RUVBL1: variants seen among roughly 807,000 people sequenced by gnomAD.
RUVBL1 encodes the protein ruvB-like 1.
In RUVBL1, 4 loss-of-function variants were observed where a neutral mutation model predicts 52.4. The observed-to-expected ratio is 0.08, with a 90% confidence interval of 0.04 to 0.17. RUVBL1 has a LOEUF of 0.17. RUVBL1 is among the 10% of genes least tolerant of loss of function. RUVBL1 has a pLI of 1.00. For missense variants in RUVBL1, 298 were observed against 572.8 expected (o/e 0.52, Z 4.90); for synonymous variants, 217 against 214.4 (o/e 1.01, Z -0.10).
At chr3:128,097,181 AAAC>A (rs1943000807) in intron 8 of RUVBL1, 116 bp downstream of exon 8, 2 of 1,021,662 alleles carry the variant, frequency 2.0e-6, no homozygotes, top group Non-Finnish European at 2.9e-6. Flanking sequence ...TTTCCCTCAA[AAAC>A]AACATGACCT....
In RUVBL1 at chr3:128,067,068, GT is replaced by G. The variant is rs1436459737; in HGVS notation, c.940-1849del. The G allele has an allele frequency of 6.2e-7, 1 of 1,614,064 alleles. No homozygotes were observed. The highest frequency in any genetic ancestry group is 8.5e-7 in the Non-Finnish European group (1 of 1,180,040). On this transcript the variant is annotated intron_variant, in intron 9 of 9. Transcript: ENST00000464873. The surrounding 1 kb of genome is among the most constrained non-coding windows in gnomAD (Gnocchi z 4.1). ...CCCCATCATCCTGCAGTCTGCCCTGGTGTCCAACCTTTATGTCATCTCCCAA... is the reference window on the plus strand; with the variant it reads ...CCCCATCATCCTGCAGTCTGCCCTGGGTCCAACCTTTATGTCATCTCCCAA...
At chr3:128,143,363 A>C (rs1424504087) in intron 1 of RUVBL1, among the ~76,000 whole-genome samples, 1 of 150,678 alleles carries the variant, frequency 6.6e-6, no homozygotes, top group Non-Finnish European at 1.5e-5. Flanking sequence ...AGTAGAGACG[A>C]GGTTTCATTA....
chr3:128,074,094 A>G (rs1462751974), intron 9 of RUVBL1, among the ~76,000 whole-genome samples: 2 of 152,210 alleles, frequency 1.3e-5, no homozygotes, highest in Admixed American at 6.5e-5. Flanking sequence ...ACACCCAGCT[A>G]TTCTACTCCT....
chr3:128,153,193 C>T, intron 1 of RUVBL1: 1 of 1,281,726 alleles, frequency 7.8e-7, no homozygotes, highest in South Asian at 2.2e-5. Context: ...TTCTCCAAGT[C>T]TCCACTCACC....
In RUVBL1 at chr3:128,110,423, G is replaced by A. The variant is rs548405871; in HGVS notation, c.361+2465C>T. ...GAGGTGGAAGAATCACTTGAGCCCA[G>A]GAGTTAAAGGCCAGCCTGGGCAACA... is the stretch of plus-strand genomic sequence containing the variant. On this transcript the variant is annotated intron_variant, in intron 3 of 10. Transcript: ENST00000322623. Among the ~76,000 whole-genome samples the A allele has an allele frequency of 7.2e-5, 11 of 152,126 alleles. No individual in the cohort carries two copies. In the South Asian group the frequency reaches 2.3e-3, roughly 32 times the overall value.
intron 1 of RUVBL1, among the ~76,000 whole-genome samples, chr3:128,145,711 C>G (rs753458346): frequency 1.3e-5 from 2 of 152,184 alleles, no homozygotes; most frequent in Non-Finnish European, 2.9e-5. Context: ...GCATTTGTAA[C>G]TCTTCCCTTG....
chr3:128,110,084 TG>T (rs1398286171), intron 3 of RUVBL1, among the ~76,000 whole-genome samples: 1 of 152,148 alleles, frequency 6.6e-6, no homozygotes, highest in Non-Finnish European at 1.5e-5. Flanking sequence ...CCCAAAGTGC[TG>T]GGATTACAGG....
In RUVBL1 at chr3:128,067,658, G is replaced by A. The variant is rs191377627; in HGVS notation, c.940-2438C>T. 58 of 1,428,948 alleles carry A rather than the reference G, an allele frequency of 4.1e-5. No individual in the cohort carries two copies. In the East Asian group the frequency reaches 1.3e-3, roughly 32 times the overall value. The allele number at this position is 1,428,948 out of a possible 1,614,324, so 88.5% of individuals were successfully genotyped here. ...CTGGAAGGGTGATGAAAGTGTGACT[G>A]GTATAAGGGGTGTGGACTTGTCACC... On this transcript the variant is annotated intron_variant, in intron 9 of 9. Coordinates refer to the RUVBL1 transcript ENST00000464873. This position sits in a 1 kb window ranked among gnomAD's most constrained non-coding sequence, Gnocchi z 4.1.
At chr3:128,135,826 G>A (rs1309628769) in intron 1 of RUVBL1, among the ~76,000 whole-genome samples, 1 of 152,172 alleles carries the variant, frequency 6.6e-6, no homozygotes, top group Non-Finnish European at 1.5e-5. Flanking sequence ...TGTAATTGTG[G>A]TGTGTAAACT....
In RUVBL1 at chr3:128,146,115, G is replaced by C. The variant is rs138553876; in HGVS notation, c.-40+7088C>G. ...GTCCAGGGCAGGGCTAATGCAGGAC[G>C]TGACAGTTGAACTTGGAGGAGGTGA... is the stretch of plus-strand genomic sequence containing the variant. On this transcript the variant is annotated intron_variant, in intron 1 of 9. Coordinates refer to the RUVBL1 transcript ENST00000464873. Among the ~76,000 whole-genome samples the C allele has an allele frequency of 3.9e-3, 598 of 152,330 alleles. 6 individuals are homozygous for C. Among genetic ancestry groups the C allele is most frequent in the African/African-American group, 0.014 (585 of 41,556 alleles).
chr3:128,142,609 T>C (rs925018357), intron 1 of RUVBL1, among the ~76,000 whole-genome samples: 1 of 152,130 alleles, frequency 6.6e-6, no homozygotes, highest in Non-Finnish European at 1.5e-5. Flanking sequence ...AAAATGAACG[T>C]GTTGTTAGGG....
Position 128,081,222 on chromosome 3 carries a change from T to C in RUVBL1, c.*28A>G. On this transcript the variant is annotated 3_prime_UTR_variant, in exon 11 of 11. Transcript: ENST00000322623. This position sits in a 1 kb window ranked among gnomAD's most constrained non-coding sequence, Gnocchi z 4.8. ...ACCCAGGCCAGGCACACCTGGGGAG[T>C]CTCTTACTGCTGAAAACCTCAGCCA... 1 of 1,601,152 alleles carries C rather than the reference T, an allele frequency of 6.2e-7. No homozygotes were observed. The highest frequency in any genetic ancestry group is 8.5e-7 in the Non-Finnish European group (1 of 1,170,938).
chr3:128,071,979 G>A (rs547543886), intron 9 of RUVBL1, among the ~76,000 whole-genome samples: 5 of 152,376 alleles, frequency 3.3e-5, no homozygotes, highest in Non-Finnish European at 4.4e-5. Flanking sequence ...CTGCCACCCC[G>A]TGGAAGAGTG....
chr3:128,148,640 A>G (rs1944139016), intron 1 of RUVBL1, among the ~76,000 whole-genome samples: 1 of 152,208 alleles, frequency 6.6e-6, no homozygotes, highest in Admixed American at 6.5e-5. Flanking sequence ...GAGTAAACAT[A>G]TAGAGAGAAA....
At chr3:128,092,610 A>T (rs1166999354) in intron 8 of RUVBL1, among the ~76,000 whole-genome samples, 1 of 152,210 alleles carries the variant, frequency 6.6e-6, no homozygotes, top group Non-Finnish European at 1.5e-5. Context: ...GACGCTCAAC[A>T]TCCTTAGTCG....
chr3:128,069,908 G>C (rs1242231255), intron 9 of RUVBL1: 1 of 472,788 alleles, frequency 2.1e-6, no homozygotes, highest in Non-Finnish European at 3.8e-6. Context: ...AGTGGGAATG[G>C]TATAGGATTG....
rs1473791046 is a variant in RUVBL1, at chr3:128,066,740, A to G, written c.940-1520T>C. On this transcript the variant is annotated intron_variant, in intron 9 of 9. Coordinates refer to the RUVBL1 transcript ENST00000464873. ...CGCCTAGCCTTCAGTGTATTTTTAA[A>G]CCAGCTTTTCTGGGCCCCTTCTGGA... 1.2e-5 allele frequency: 7 copies of G among 577,786 alleles called. No individual in the cohort carries two copies. The Admixed American group carries it at 2.2e-4, about 18-fold the overall frequency. 35.8% of individuals were successfully genotyped at this position (577,786 alleles called of 1,614,324 possible). A position where few individuals can be genotyped will look rare whatever the true frequency, so the allele number is the denominator to read the frequency against.
chr3:128,080,177 A>G (rs1051430821), downstream of RUVBL1, among the ~76,000 whole-genome samples: 14 of 152,256 alleles, frequency 9.2e-5, no homozygotes, highest in African/African-American at 3.4e-4. Flanking sequence ...CTTCAGAGAT[A>G]GGGACACACG....
intron 1 of RUVBL1, among the ~76,000 whole-genome samples, chr3:128,136,144 G>T (rs1943944281): frequency 6.7e-6 from 1 of 148,476 alleles, no homozygotes; most frequent in South Asian, 2.1e-4. Context: ...GAAATTTAAA[G>T]ATACCACCAG....
Sources: gnomAD v4.1 joint callset for allele counts (sites outside exome capture counted in the v4.1 genomes callset) on GRCh38, gnomAD v4.1.1 for gene constraint, Gnocchi (gnomAD v3.1) non-coding constraint, MANE v1.5 for transcripts, NCBI Gene and HGNC (gene_info 2026-07-23, HGNC 2026-07-21) for gene names.